The following SCIN variants were observed in gnomAD, a reference collection of about 807,000 sequenced individuals.
SCIN encodes adseverin.
Under a neutral mutation model 91.8 loss-of-function variants are expected in SCIN, and 91 were observed. The ratio of observed to expected loss-of-function variants is 0.99; its 90% CI spans 0.84 to 1.18. The LOEUF is 1.18. Among genes scored for constraint, SCIN ranks in the 50% most tolerant of loss-of-function variants. The pLI, the probability that SCIN is intolerant of heterozygous loss-of-function variation, is 0.00. For missense variants in SCIN, 1,087 were observed against 863.9 expected (o/e 1.26, Z -3.24); for synonymous variants, 367 against 312.6 (o/e 1.17, Z -1.84).
At chr7:12,585,230 G>C (rs563475947) in intron 3 of SCIN, among the ~76,000 whole-genome samples, 1 of 152,154 alleles carries the variant, frequency 6.6e-6, no homozygotes, top group South Asian at 2.1e-4. Context: ...AAATCCGGTG[G>C]ACACCGTGAC....
chr7:12,585,161 C>T (rs1194752367), intron 3 of SCIN, among the ~76,000 whole-genome samples: 1 of 152,192 alleles, frequency 6.6e-6, no homozygotes, highest in African/African-American at 2.4e-5. Context: ...CACAGTCAGA[C>T]TTTCACTCTC....
intron 4 of SCIN, among the ~76,000 whole-genome samples, chr7:12,620,528 T>G (rs1190564659): frequency 1.3e-5 from 2 of 152,158 alleles, no homozygotes; most frequent in Non-Finnish European, 2.9e-5. Context: ...TGACAGGATT[T>G]CCTTGATCTA....
rs1169102483 is a variant in SCIN, at chr7:12,578,114, C to T, written c.250C>T (p.Gln84Ter). The change falls in exon 2 of 16, where the codon CAG (glutamine) becomes TAG (stop). Residue 84 changes from glutamine to a stop codon, truncating the protein, a stop_gained. Coordinates refer to ENST00000297029, the MANE Select transcript of SCIN (RefSeq NM_001112706.3). LOFTEE classifies it high-confidence loss of function. ...CACAGCTGCTGCCATCTTCACTGTT[C>T]AGATGGATGACTATTTGGGTGGCAA... Reference protein sequence around the residue: ...ESTAAAIFTVQMDDYLGGKPV... With the variant: ...ESTAAAIFTV The T allele has an allele frequency of 6.4e-7, 1 of 1,550,440 alleles. No homozygotes were observed. Among genetic ancestry groups the T allele is most frequent in the African/African-American group, 1.4e-5 (1 of 73,030 alleles).
At chr7:12,606,377 A>C (rs1380857409) in intron 4 of SCIN, among the ~76,000 whole-genome samples, 1 of 152,164 alleles carries the variant, frequency 6.6e-6, no homozygotes, top group Non-Finnish European at 1.5e-5. Flanking sequence ...CATTTTTAAT[A>C]TTTTTGACTT....
At chr7:12,649,381 C>G in intron 13 of SCIN, 86 bp from the exon 14 acceptor site, 1 of 729,994 alleles carries the variant, frequency 1.4e-6, no homozygotes, top group Non-Finnish European at 2.1e-6. Flanking sequence ...TCACTATACT[C>G]AAAAAAAATA....
rs1783893588 is a variant in SCIN, at chr7:12,643,347, A to G, written c.1582-791A>G. On this transcript the variant is annotated intron_variant, in intron 11 of 15. Transcript: ENST00000297029. ...GGGCACAGGTCTCTTGTCAGCTTCT[A>G]TCCATCATCCGGGCTCTTTCCTCTG... 4.6e-5 allele frequency among the ~76,000 whole-genome samples: 7 copies of G among 152,226 alleles called. No homozygotes were observed. The South Asian group carries it at 1.5e-3, about 32-fold the overall frequency.
chr7:12,598,348 G>C (rs547693545), intron 3 of SCIN, among the ~76,000 whole-genome samples: 1 of 151,908 alleles, frequency 6.6e-6, no homozygotes, highest in South Asian at 2.1e-4. Context: ...CCTTCTGCCA[G>C]AGTGGTGAAG....
chr7:12,606,066 T>C (rs910386689), intron 4 of SCIN, among the ~76,000 whole-genome samples: 1 of 152,206 alleles, frequency 6.6e-6, no homozygotes, highest in Non-Finnish European at 1.5e-5. Flanking sequence ...GATGTCTTCA[T>C]ACGTATTCAC....
At chr7:12,632,779 A>G (rs111896655) in intron 9 of SCIN, among the ~76,000 whole-genome samples, 49 of 152,308 alleles carry the variant, frequency 3.2e-4, no homozygotes, top group African/African-American at 1.1e-3. Flanking sequence ...GGAAAAAGAG[A>G]AAGAGAAGGC....
At chr7:12,650,237 C>G (rs1784054465) in intron 14 of SCIN, among the ~76,000 whole-genome samples, 1 of 152,140 alleles carries the variant, frequency 6.6e-6, no homozygotes, top group Non-Finnish European at 1.5e-5. Context: ...TTATATCACA[C>G]CCTAGCTTCT....
intron 3 of SCIN, among the ~76,000 whole-genome samples, chr7:12,600,615 A>G (rs563765776): frequency 6.6e-6 from 1 of 152,264 alleles, no homozygotes; most frequent in African/African-American, 2.4e-5. Flanking sequence ...AAACAAAAAC[A>G]TTAGTTTGGG....
intron 3 of SCIN, among the ~76,000 whole-genome samples, chr7:12,584,694 CAG>C (rs1453659301): frequency 6.6e-6 from 1 of 152,148 alleles, no homozygotes; most frequent in African/African-American, 2.4e-5. Flanking sequence ...TACCAATTTA[CAG>C]AGTCATTGGA....
intron 3 of SCIN, among the ~76,000 whole-genome samples, chr7:12,597,344 C>G (rs193042304): frequency 1.2e-3 from 181 of 152,170 alleles, no homozygotes; most frequent in Non-Finnish European, 1.9e-3. Flanking sequence ...CAATAGATGC[C>G]AGGAAGAGGA....
At chr7:12,580,896 G>A (rs1471868862) in intron 2 of SCIN, among the ~76,000 whole-genome samples, 164 bp from the exon 3 acceptor site, 3 of 152,142 alleles carry the variant, frequency 2.0e-5, no homozygotes, top group Non-Finnish European at 4.4e-5. Flanking sequence ...GATTACCAAG[G>A]GGTTCTCTCT....
intron 4 of SCIN, among the ~76,000 whole-genome samples, chr7:12,612,479 T>C (rs1202231452): frequency 6.6e-6 from 1 of 152,176 alleles, no homozygotes. Flanking sequence ...TGCTGCATTG[T>C]AATTAATGCA....
chr7:12,645,889 G>A (rs566072870), intron 13 of SCIN, among the ~76,000 whole-genome samples: 20 of 152,334 alleles, frequency 1.3e-4, no homozygotes, highest in Non-Finnish European at 2.6e-4. Context: ...TGCAGTTGCT[G>A]TATGAATATA....
intron 11 of SCIN, 150 bp downstream of exon 11, chr7:12,640,667 A>G (rs1783840641): frequency 1.3e-6 from 1 of 743,528 alleles, no homozygotes; most frequent in African/African-American, 1.8e-5. Flanking sequence ...AAAACATTTA[A>G]AGCAGGAGAG....
intron 6 of SCIN, 93 bp downstream of exon 6, chr7:12,625,235 G>T: frequency 2.5e-6 from 3 of 1,180,822 alleles, no homozygotes; most frequent in Non-Finnish European, 3.4e-6. Context: ...TTAAAAAAAA[G>T]CCCACCTTTT....
In SCIN at chr7:12,651,538, CCAGA is replaced by C. The variant is rs749489192; in HGVS notation, c.1960-300_1960-297del. Among the ~76,000 whole-genome samples the C allele has an allele frequency of 2.0e-5, 3 of 149,492 alleles. No homozygotes were observed. Among genetic ancestry groups the C allele is most frequent in the East Asian group, 1.9e-4 (1 of 5,144 alleles). On this transcript the variant is annotated intron_variant, in intron 14 of 15. Coordinates refer to ENST00000297029, the MANE Select transcript of SCIN (RefSeq NM_001112706.3). The surrounding 1 kb of genome is among the most constrained non-coding windows in gnomAD (Gnocchi z 5.9). Reference sequence around the variant, plus strand: ...GGGTGGATGAAAAAAAAAAGTCCACCCAGACAATCTGTTTTTTTTTGTGAAAGAT... The same window carrying C: ...GGGTGGATGAAAAAAAAAAGTCCACCCAATCTGTTTTTTTTTGTGAAAGAT...
Sources: allele counts gnomAD v4.1 joint callset (sites outside exome capture counted in the v4.1 genomes callset), GRCh38; gene constraint gnomAD v4.1.1; non-coding constraint Gnocchi (gnomAD v3.1); transcripts MANE v1.5; gene names NCBI Gene and HGNC (gene_info 2026-07-23, HGNC 2026-07-21).